Variants in ATP10B observed in about 807,000 individuals in gnomAD.
The protein encoded by ATP10B is phospholipid-transporting ATPase VB.
ATP10B carries 122 observed loss-of-function variants against 141.2 expected under a neutral mutation model. The observed-to-expected ratio is 0.86, with a 90% CI of 0.75 to 1.00. The LOEUF is 1.00. ATP10B is among the 50% of genes least tolerant of loss of function. The pLI is 0.00. For synonymous variants in ATP10B, 685 were observed against 692.0 expected, an observed-to-expected ratio of 0.99 and a Z score of 0.16; for missense variants, 1,876 against 1,825.3, an observed-to-expected ratio of 1.03 and a Z score of -0.51.
At chr5:160,856,179 C>T (rs1019980661), upstream of ATP10B, among the ~76,000 whole-genome samples, 1 of 151,816 alleles carries the variant, frequency 6.6e-6, no homozygotes. Flanking sequence ...GACATCTTTA[C>T]TATTTGAATA....
chr5:160,642,159 G>T (rs971552732), intron 9 of ATP10B, among the ~76,000 whole-genome samples: 3 of 152,208 alleles, frequency 2.0e-5, no homozygotes, highest in Non-Finnish European at 4.4e-5. Context: ...GTTGCATAGA[G>T]TTCAACTCAG....
chr5:160,881,341 G>A, the ATP10B span, among the ~76,000 whole-genome samples: 1 of 152,140 alleles, frequency 6.6e-6, no homozygotes, highest in African/African-American at 2.4e-5. Context: ...CACTACTGGT[G>A]GAAATGTAAA....
intron 1 of ATP10B, among the ~76,000 whole-genome samples, chr5:160,817,056 G>C (rs903673633): frequency 1.3e-5 from 2 of 152,096 alleles, no homozygotes; most frequent in African/African-American, 4.8e-5. Flanking sequence ...ATACTGAATG[G>C]GCAAAAACTG....
chr5:160,630,795 C>T (rs151156361), intron 13 of ATP10B, among the ~76,000 whole-genome samples: 1,868 of 152,260 alleles, frequency 0.012, 22 homozygotes, highest in Non-Finnish European at 0.02. Context: ...CTTGCCTTAT[C>T]CTTGCTAATG....
At chr5:160,885,157 G>A in the ATP10B span, among the ~76,000 whole-genome samples, 3 of 152,176 alleles carry the variant, frequency 2.0e-5, no homozygotes, top group Non-Finnish European at 4.4e-5. Flanking sequence ...ATCAGTATTT[G>A]TTGAATAAAT....
chr5:160,820,346 C>T (rs569336554), intron 1 of ATP10B, among the ~76,000 whole-genome samples: 12 of 151,886 alleles, frequency 7.9e-5, no homozygotes, highest in Admixed American at 2.0e-4. Context: ...AAAACCTGAA[C>T]GGACTAGTAA....
chr5:160,725,292 TTC>T (rs1224772005), intron 2 of ATP10B, among the ~76,000 whole-genome samples: 29 of 152,086 alleles, frequency 1.9e-4, no homozygotes, highest in African/African-American at 6.8e-4. Flanking sequence ...TTCACTCAAG[TTC>T]TGTCTTCACT....
the ATP10B span, among the ~76,000 whole-genome samples, chr5:160,872,752 G>A: frequency 6.6e-6 from 1 of 152,158 alleles, no homozygotes; most frequent in African/African-American, 2.4e-5. Flanking sequence ...TTTTATACCA[G>A]TATTATGCTG....
At position 160,796,856 on chromosome 5, in the gene ATP10B, T is replaced by C. The variant is rs973115047; in HGVS notation, c.-575-11053A>G. Among the ~76,000 whole-genome samples the C allele has an allele frequency of 2.6e-5, 4 of 151,868 alleles. No homozygotes were observed. The South Asian group carries it at 8.3e-4, about 31-fold the overall frequency. The stretch of plus-strand genomic sequence containing the variant: ...GGGGAGGAAAGGGAGAAAAGGTGGC[T>C]CTTCCAAGCCAGCTGTCTGTTAGAG... On this transcript the variant is annotated intron_variant, in intron 1 of 25. Transcript: ENST00000327245.
chr5:160,821,505 A>T (rs1011930579), intron 1 of ATP10B, among the ~76,000 whole-genome samples: 1 of 152,086 alleles, frequency 6.6e-6, no homozygotes, highest in African/African-American at 2.4e-5. Flanking sequence ...ACAGAAATAT[A>T]AAAAAATCTT....
At position 160,620,554 on chromosome 5, in the gene ATP10B, T is replaced by C; in HGVS notation, c.2209A>G (p.Thr737Ala). ...LVHAAHAYSF[T>A]LVSRTPEQVT... ...TGCTCAGGTGTCCGGGACACTAGTGTGAAGCTGTAGGCATGGGCAGCGTGC... is the reference window on the plus strand; with the variant it reads ...TGCTCAGGTGTCCGGGACACTAGTGCGAAGCTGTAGGCATGGGCAGCGTGC... The change falls in exon 15 of 26, where the codon ACA (threonine) becomes GCA (alanine). Residue 737 changes from threonine to alanine, a missense_variant. Physicochemically the swap from Thr to Ala is moderately conservative, Grantham distance 58. Coordinates refer to ENST00000327245, the MANE Select transcript of ATP10B (RefSeq NM_025153.3). 1 of 1,614,100 alleles carries C rather than the reference T, an allele frequency of 6.2e-7. No individual in the cohort carries two copies. Among genetic ancestry groups the C allele is most frequent in the Non-Finnish European group, 8.5e-7 (1 of 1,179,974 alleles).
At chr5:160,634,791 G>C (rs764448959) in intron 11 of ATP10B, among the ~76,000 whole-genome samples, 185 bp from the exon 12 acceptor site, 1 of 152,190 alleles carries the variant, frequency 6.6e-6, no homozygotes, top group Non-Finnish European at 1.5e-5. Flanking sequence ...CTGAAAAACA[G>C]GTATGTCTTC....
At chr5:160,846,052 T>C (rs928831663) in intron 1 of ATP10B, among the ~76,000 whole-genome samples, 8 of 152,168 alleles carry the variant, frequency 5.3e-5, no homozygotes, top group Admixed American at 4.6e-4. Flanking sequence ...AACACAGACA[T>C]GCACATATTC....
At chr5:160,626,936 T>C (rs1758641305) in intron 13 of ATP10B, among the ~76,000 whole-genome samples, 1 of 152,204 alleles carries the variant, frequency 6.6e-6, no homozygotes, top group Non-Finnish European at 1.5e-5. Context: ...GAGAAGGAAA[T>C]AAACAGGAAC....
intron 6 of ATP10B, chr5:160,684,692 C>T (rs1763643113): frequency 7.3e-6 from 4 of 549,600 alleles, no homozygotes; most frequent in African/African-American, 5.7e-5. Context: ...CTATAAAGCT[C>T]ACTGTAGAGA....
chr5:160,859,244 A>C, the ATP10B span, among the ~76,000 whole-genome samples: 1 of 151,892 alleles, frequency 6.6e-6, no homozygotes, highest in Non-Finnish European at 1.5e-5. Flanking sequence ...TTATGGATTG[A>C]AACTTCTCAT....
intron 24 of ATP10B, among the ~76,000 whole-genome samples, chr5:160,585,009 T>TTATGA (rs1349023155): frequency 1.3e-5 from 2 of 152,246 alleles, no homozygotes; most frequent in Non-Finnish European, 2.9e-5. Flanking sequence ...TACAATTTAA[T>TTATGA]TATGATATAT....
chr5:160,590,404 G>A (rs1303896077), intron 23 of ATP10B, among the ~76,000 whole-genome samples: 1 of 152,122 alleles, frequency 6.6e-6, no homozygotes, highest in Non-Finnish European at 1.5e-5. Context: ...CCAGAGGTTG[G>A]ATAAGCAACA....
At chr5:160,588,610 G>A (rs552979930) in intron 24 of ATP10B, among the ~76,000 whole-genome samples, 1 of 152,054 alleles carries the variant, frequency 6.6e-6, no homozygotes, top group African/African-American at 2.4e-5. Flanking sequence ...AAACTGCCAG[G>A]GTTCAAAACT....
Sources: gnomAD v4.1 joint callset for allele counts (sites outside exome capture counted in the v4.1 genomes callset) on GRCh38, gnomAD v4.1.1 for gene constraint, MANE v1.5 for transcripts, NCBI Gene and HGNC (gene_info 2026-07-23, HGNC 2026-07-21) for gene names.